The following RANBP2 variants were observed in gnomAD, a reference collection of about 807,000 sequenced individuals.
RANBP2 encodes the protein RAN binding protein 2.
A neutral mutation model predicts 303.6 loss-of-function variants in RANBP2; 57 were observed. That is an observed-to-expected ratio of 0.19 (90% CI 0.15 to 0.23). The LOEUF is 0.23. RANBP2 is among the 10% of genes least tolerant of loss of function. The pLI, the probability that RANBP2 is intolerant of heterozygous loss-of-function variation, is 1.00. For missense variants in RANBP2, 3,138 were observed against 3,780.8 expected, an observed-to-expected ratio of 0.83 and a Z score of 4.46; for synonymous variants, 1,167 against 1,301.5, an observed-to-expected ratio of 0.90 and a Z score of 2.23.
At chr2:108,759,697 C>T (rs1466138443) in intron 18 of RANBP2, among the ~76,000 whole-genome samples, 10 of 152,124 alleles carry the variant, frequency 6.6e-5, no homozygotes, top group Non-Finnish European at 5.9e-5. Flanking sequence ...AAATGTCTAA[C>T]GTTCAAACCT....
the RANBP2 span, among the ~76,000 whole-genome samples, chr2:109,500,302 T>G: frequency 6.6e-6 from 1 of 152,202 alleles, no homozygotes; most frequent in Middle Eastern, 3.4e-3. Flanking sequence ...GAACTCTTGG[T>G]CAGTGCCACA....
the RANBP2 span, among the ~76,000 whole-genome samples, chr2:109,358,900 GAGTTTTGT>G: frequency 1.3e-5 from 2 of 152,124 alleles, no homozygotes; most frequent in Non-Finnish European, 2.9e-5. Context: ...TATCTTCTAG[GAGTTTTGT>G]AGTTTTATAT....
At chr2:109,197,338 A>G in the RANBP2 span, among the ~76,000 whole-genome samples, 1 of 152,094 alleles carries the variant, frequency 6.6e-6, no homozygotes, top group Non-Finnish European at 1.5e-5. Flanking sequence ...AGGGGTTAAG[A>G]AGGGAAGGGA....
At chr2:109,671,485 G>A in the RANBP2 span, among the ~76,000 whole-genome samples, 1 of 152,136 alleles carries the variant, frequency 6.6e-6, no homozygotes, top group African/African-American at 2.4e-5. Context: ...GTAGGAAGCT[G>A]TGGTTGCTGC....
chr2:109,271,728 T>C, the RANBP2 span, among the ~76,000 whole-genome samples: 5 of 152,376 alleles, frequency 3.3e-5, no homozygotes, highest in East Asian at 9.6e-4. Flanking sequence ...ACTGCCTGTT[T>C]GCACAGAAAG....
chr2:108,929,455 G>T, the RANBP2 span: 1 of 1,487,666 alleles, frequency 6.7e-7, no homozygotes, highest in East Asian at 2.3e-5. Flanking sequence ...ACAGTCCTTG[G>T]GCAGTGACGT....
the RANBP2 span, among the ~76,000 whole-genome samples, chr2:109,500,427 C>T: frequency 1.3e-5 from 2 of 152,088 alleles, no homozygotes; most frequent in Non-Finnish European, 1.5e-5. Context: ...CAGGCGGAGG[C>T]CATGCAGGGA....
chr2:109,005,993 G>C, the RANBP2 span, among the ~76,000 whole-genome samples: 1 of 152,300 alleles, frequency 6.6e-6, no homozygotes, highest in East Asian at 1.9e-4. Flanking sequence ...ACATGAGCCA[G>C]TGGGTCACGT....
At chr2:109,725,477 T>A in the RANBP2 span, among the ~76,000 whole-genome samples, 14 of 152,296 alleles carry the variant, frequency 9.2e-5, no homozygotes, top group South Asian at 2.9e-3. Flanking sequence ...CTTTCATTAG[T>A]GGGGAGATGA....
At chr2:109,438,570 A>G in the RANBP2 span, among the ~76,000 whole-genome samples, 1 of 152,278 alleles carries the variant, frequency 6.6e-6, no homozygotes, top group East Asian at 1.9e-4. Context: ...TACTTAAATC[A>G]GCTAAGAATG....
At chr2:109,556,069 T>A in the RANBP2 span, among the ~76,000 whole-genome samples, 3 of 152,192 alleles carry the variant, frequency 2.0e-5, no homozygotes, top group South Asian at 6.2e-4. Context: ...ACATTTCAGT[T>A]TCTTTATAAA....
At chr2:109,212,246 C>T in the RANBP2 span, among the ~76,000 whole-genome samples, 1 of 152,170 alleles carries the variant, frequency 6.6e-6, no homozygotes, top group African/African-American at 2.4e-5. Context: ...TCACTTCCCT[C>T]CAACTCCATG....
At chr2:109,694,848 G>T in the RANBP2 span, among the ~76,000 whole-genome samples, 1 of 143,300 alleles carries the variant, frequency 7.0e-6, no homozygotes, top group Non-Finnish European at 1.5e-5. Context: ...TGTATCTCCA[G>T]ATTTGGGAAG....
At chr2:108,984,470 C>G in the RANBP2 span, among the ~76,000 whole-genome samples, 21 of 152,288 alleles carry the variant, frequency 1.4e-4, no homozygotes, top group Non-Finnish European at 2.4e-4. Context: ...CTCCTCTCCT[C>G]TCCTTCTGTT....
the RANBP2 span, among the ~76,000 whole-genome samples, chr2:109,012,888 T>C: frequency 6.6e-6 from 1 of 152,188 alleles, no homozygotes; most frequent in African/African-American, 2.4e-5. Flanking sequence ...CACTCCAGCC[T>C]GGGCGACAGA....
the RANBP2 span, among the ~76,000 whole-genome samples, chr2:109,237,232 A>T: frequency 1.3e-5 from 2 of 152,352 alleles, no homozygotes; most frequent in Admixed American, 1.3e-4. Flanking sequence ...CCAGCAAAGA[A>T]TGTATAGAAA....
At chr2:109,240,003 C>G in the RANBP2 span, among the ~76,000 whole-genome samples, 1 of 152,210 alleles carries the variant, frequency 6.6e-6, no homozygotes, top group African/African-American at 2.4e-5. Context: ...CTTGCTGGCT[C>G]ATGATAGATG....
the RANBP2 span, among the ~76,000 whole-genome samples, chr2:109,460,345 G>A: frequency 3.0e-4 from 45 of 152,316 alleles, no homozygotes; most frequent in Non-Finnish European, 6.0e-4. Context: ...TTGCCCCCAG[G>A]TGGATGCTGA....
the RANBP2 span, among the ~76,000 whole-genome samples, chr2:109,360,221 T>C: frequency 6.6e-6 from 1 of 152,244 alleles, no homozygotes; most frequent in Non-Finnish European, 1.5e-5. Context: ...TCTGAACATG[T>C]AATTTTTTTC....
Sources: allele counts gnomAD v4.1 joint callset (sites outside exome capture counted in the v4.1 genomes callset), GRCh38; gene constraint gnomAD v4.1.1; transcripts MANE v1.5; gene names NCBI Gene and HGNC (gene_info 2026-07-23, HGNC 2026-07-21).